MYO15B: variants seen among roughly 807,000 people sequenced by gnomAD.
MYO15B encodes the protein myosin XVB.
A neutral mutation model predicts 119.3 loss-of-function variants in MYO15B; 207 were observed. That is an observed-to-expected ratio of 1.73 (90% CI 1.55 to 1.95). The LOEUF (loss-of-function observed/expected upper bound fraction) is 1.95, where lower values mean the gene tolerates loss of function less well. MYO15B is among the 30% of genes most tolerant of loss of function. The probability of loss-of-function intolerance (pLI) is 0.00; values close to 1 mark genes in which losing one functional copy is unlikely to be tolerated. For missense variants in MYO15B, 2,264 were observed against 1,203.1 expected (o/e 1.88, Z -13.04); for synonymous variants, 966 against 498.9 (o/e 1.94, Z -12.48).
Position 75,624,593 on chromosome 17 carries a change from G to A in MYO15B, c.8496G>A (p.Glu2832=), listed in dbSNP as rs372971802. The change falls in exon 58 of 64, where the codon GAG becomes GAA. Residue 2832 remains glutamate, a synonymous_variant. Coordinates refer to ENST00000645453, the Ensembl canonical transcript of MYO15B. The stretch of plus-strand genomic sequence containing the variant: ...TGTGCCGGCAAATGGGTATCACGGA[G>A]CCTCAGGAAGTGCAGGAATTCGCCC... The A allele has an allele frequency of 1.0e-5, 7 of 703,014 alleles. 1 individual carries two copies. The highest frequency in any genetic ancestry group is 7.0e-5 in the African/African-American group (4 of 57,372). The allele number at this position is 703,014 out of a possible 1,614,324, so 43.5% of individuals were successfully genotyped here.
At chr17:75,592,158 ACCCTGGTAGGGCTTCTT>A in intron 6 of MYO15B, 63 bp from the exon 7 acceptor site, 1 of 701,066 alleles carries the variant, frequency 1.4e-6, no homozygotes, top group Non-Finnish European at 2.6e-6. Flanking sequence ...TGGGGTCCAG[ACCCTGGTAGGGCTTCTT>A]CTGCACGGGG....
At chr17:75,626,551 T>C (rs932318024) in exon 64 of MYO15B, 3 of 700,384 alleles carry the variant, frequency 4.3e-6, no homozygotes, top group Non-Finnish European at 7.8e-6. Flanking sequence ...CCACATGGTC[T>C]GCCTTGGATG....
chr17:75,621,405 C>A (rs2058701136), exon 51 of MYO15B: 1 of 700,370 alleles, frequency 1.4e-6, no homozygotes, highest in African/African-American at 1.7e-5. Flanking sequence ...TGCAGTACAC[C>A]AAGGTGGGAG....
rs1242566374 is a variant in MYO15B at position 75,591,161 on chromosome 17, A to G, written c.2361-11A>G. 55 of 702,628 alleles carry G rather than the reference A, an allele frequency of 7.8e-5. 1 individual carries two copies. In the Admixed American group the frequency reaches 1.1e-3, roughly 14 times the overall value. The allele number at this position is 702,628 out of a possible 1,614,324, so 43.5% of individuals were successfully genotyped here. On this transcript the variant is annotated splice_polypyrimidine_tract_variant and intron_variant, in intron 3 of 63. Coordinates refer to ENST00000645453, the Ensembl canonical transcript of MYO15B. ...GGTCCCCATGTCTGGCAACCTTCTC[A>G]TCTCCCTCAGACACATCTTTGCCAT...
In MYO15B at chr17:75,617,555, C is replaced by T. The variant is rs562132839; in HGVS notation, c.6814+251C>T. ...CAGGGTGTTGTCCCTGACACATACC[C>T]GACAGCTCTGTGAGGAAGTTAGTGG... On this transcript the variant is annotated intron_variant, in intron 41 of 63. Coordinates refer to ENST00000645453, the Ensembl canonical transcript of MYO15B. 11 of 388,678 alleles carry T rather than the reference C, an allele frequency of 2.8e-5. No individual in the cohort carries two copies. The Admixed American group carries it at 3.0e-4, about 11-fold the overall frequency. 24.1% of individuals were successfully genotyped at this position (388,678 alleles called of 1,614,324 possible).
chr17:75,609,963 T>C (rs2147950947), intron 21 of MYO15B, among the ~76,000 whole-genome samples: 1 of 152,234 alleles, frequency 6.6e-6, no homozygotes, highest in South Asian at 2.1e-4. Context: ...AGTGCTGGGA[T>C]TACAGGCATC....
At chr17:75,610,018 C>A in intron 21 of MYO15B, 148 bp from the exon 22 acceptor site, 2 of 522,342 alleles carry the variant, frequency 3.8e-6, no homozygotes, top group African/African-American at 2.0e-5. Flanking sequence ...GTATCCTATT[C>A]TTTTCCTGTC....
At chr17:75,619,428 C>T (rs780396406) in exon 45 of MYO15B, 22 of 702,574 alleles carry the variant, frequency 3.1e-5, no homozygotes, top group East Asian at 5.4e-5. Context: ...TCGTGGTGGC[C>T]GCTCGGGACA....
At chr17:75,607,102 C>G (rs1327737395) in intron 21 of MYO15B, 3 of 395,430 alleles carry the variant, frequency 7.6e-6, no homozygotes, top group African/African-American at 4.1e-5. Flanking sequence ...GAGAGTAACT[C>G]GAGGGCTGAG....
At position 75,588,967 on chromosome 17, in the gene MYO15B, G is replaced by A. The variant is rs868769787; in HGVS notation, c.910G>A (p.Val304Ile). Residue 304 changes from valine (V) to isoleucine (I), a missense_variant, in exon 1 of 64, where the codon GTC becomes ATC. By Grantham distance (29) the Val-to-Ile change is conservative. Transcript: ENST00000645453. ...GACGGCCCGGGCTCCGCGCCACCAG[G>A]TCGGAAAGGCGGTGGGGCAGGTGCC... The A allele has an allele frequency of 5.3e-4, 212 of 398,178 alleles. 2 individuals carry two copies. Among genetic ancestry groups the A allele is most frequent in the African/African-American group, 4.1e-3 (199 of 48,746 alleles). 24.7% of individuals were successfully genotyped at this position (398,178 alleles called of 1,614,324 possible). A position where few individuals can be genotyped will look rare whatever the true frequency, so the allele number is the denominator to read the frequency against.
At chr17:75,606,736 A>C (rs954917067) in intron 21 of MYO15B, among the ~76,000 whole-genome samples, 3 of 151,992 alleles carry the variant, frequency 2.0e-5, no homozygotes, top group Non-Finnish European at 4.4e-5. Flanking sequence ...GCCTCCCAAA[A>C]TGCTGGGATT....
At chr17:75,606,544 G>A (rs553290012) in intron 21 of MYO15B, among the ~76,000 whole-genome samples, 1 of 151,932 alleles carries the variant, frequency 6.6e-6, no homozygotes, top group South Asian at 2.1e-4. Flanking sequence ...TGCGATCTCG[G>A]GTCACTGCAA....
rs2056273080 is a variant in MYO15B, at chr17:75,589,309, G to A, written c.1252G>A (p.Gly418Arg). ...GAAACCGGACGAGGGGCGGGGTCAT[G>A]GGAGAGGAAGCAAGGGGCGGGGCCG... is the stretch of plus-strand genomic sequence containing the variant. Residue 418 changes from glycine to arginine, a missense_variant, in exon 1 of 64, where the codon GGG (glycine) becomes AGG (arginine). Coordinates refer to ENST00000645453, the Ensembl canonical transcript of MYO15B. The surrounding 1 kb of genome is among the most constrained non-coding windows in gnomAD (Gnocchi z 4.2). 4 of 391,842 alleles carry A rather than the reference G, an allele frequency of 1.0e-5. No homozygotes were observed. The highest frequency in any genetic ancestry group is 1.3e-5 in the Non-Finnish European group (3 of 222,738). 24.3% of individuals were successfully genotyped at this position (391,842 alleles called of 1,614,324 possible).
chr17:75,588,600 G>C, exon 1 of MYO15B: 1 of 399,572 alleles, frequency 2.5e-6, no homozygotes, highest in Non-Finnish European at 4.4e-6. Context: ...GGGAGCTGCG[G>C]CCCACGCCGG....
At position 75,622,026 on chromosome 17, in the gene MYO15B, C is replaced by T. The variant is rs776297633; in HGVS notation, c.8028C>T (p.Asp2676=). ...CAGCCCTGATGCGGTTTATGGGTGA[C>T]CAGTCCAAGCCCCGGGGCAAGGATG... The change falls in exon 53 of 64, where the codon GAC becomes GAT. Residue 2676 remains aspartate (D), a synonymous_variant. Transcript: ENST00000645453. 7.3e-5 allele frequency: 51 copies of T among 703,000 alleles called. No homozygotes were observed. In the South Asian group the frequency reaches 7.4e-4, roughly 10 times the overall value. The allele number at this position is 703,000 out of a possible 1,614,324, so 43.5% of individuals were successfully genotyped here. A position where few individuals can be genotyped will look rare whatever the true frequency, so the allele number is the denominator to read the frequency against.
In MYO15B at chr17:75,620,030, G is replaced by A. The variant is rs1283272728; in HGVS notation, c.7443+10G>A. 1 of 696,968 alleles carries A rather than the reference G, an allele frequency of 1.4e-6. No individual in the cohort carries two copies. The highest frequency in any genetic ancestry group is 2.7e-5 in the East Asian group (1 of 37,210). The allele number at this position is 696,968 out of a possible 1,614,324, so 43.2% of individuals were successfully genotyped here. ...GAATGAGCTTAAGAAGGTAAGTGTGGGGCACGGGTTGAGAGGCCGGGCAGA... is the reference window on the plus strand; with the variant it reads ...GAATGAGCTTAAGAAGGTAAGTGTGAGGCACGGGTTGAGAGGCCGGGCAGA... On this transcript the variant is annotated intron_variant, in intron 47 of 63. Transcript: ENST00000645453.
intron 53 of MYO15B, among the ~76,000 whole-genome samples, chr17:75,622,933 C>T (rs1214285747): frequency 1.3e-5 from 2 of 152,104 alleles, no homozygotes; most frequent in Admixed American, 6.5e-5. Context: ...CAAATGGGAC[C>T]AGCTGAGGAC....
rs1312788017 is a variant in MYO15B, at chr17:75,589,360, C to A, written c.1303C>A (p.His435Asn). 36 of 389,136 alleles carry A rather than the reference C, an allele frequency of 9.3e-5. No homozygotes were observed. The highest frequency in any genetic ancestry group is 9.0e-6 in the Non-Finnish European group (2 of 221,646). 24.1% of individuals were successfully genotyped at this position (389,136 alleles called of 1,614,324 possible). ...CGGGAAAGCGGATGAAGGGCGGGGC[C>A]ACGAGCGAGGGGACGAGGGTCGGGG... is the stretch of plus-strand genomic sequence containing the variant. The change falls in exon 1 of 64, where the codon CAC (histidine) becomes AAC (asparagine). Residue 435 changes from histidine to asparagine, a missense_variant. By Grantham distance (68) the His-to-Asn change is moderately conservative. Coordinates refer to ENST00000645453, the Ensembl canonical transcript of MYO15B. The surrounding 1 kb of genome is among the most constrained non-coding windows in gnomAD (Gnocchi z 4.2).
chr17:75,610,133 T>C, intron 21 of MYO15B, 33 bp from the exon 22 acceptor site: 2 of 683,666 alleles, frequency 2.9e-6, no homozygotes, highest in South Asian at 1.5e-5. Flanking sequence ...GTTTGGACTC[T>C]TCATTTCGCC....
Sources: gnomAD v4.1 joint callset for allele counts (sites outside exome capture counted in the v4.1 genomes callset) on GRCh38, gnomAD v4.1.1 for gene constraint, Gnocchi (gnomAD v3.1) non-coding constraint, MANE v1.5 for transcripts, NCBI Gene and HGNC (gene_info 2026-07-23, HGNC 2026-07-21) for gene names.